Variants in PPFIA2 observed in about 807,000 individuals in gnomAD.
The protein encoded by PPFIA2 is liprin-alpha-2.
Under a neutral mutation model 175.5 loss-of-function variants are expected in PPFIA2, and 46 were observed. The ratio of observed to expected loss-of-function variants is 0.26; its 90% CI spans 0.21 to 0.34. The LOEUF (loss-of-function observed/expected upper bound fraction) is 0.34. PPFIA2 is among the 10% of genes least tolerant of loss of function. The probability of loss-of-function intolerance (pLI) is 1.00; values close to 1 mark genes in which losing one functional copy is unlikely to be tolerated. For synonymous variants in PPFIA2, 568 were observed against 511.4 expected (o/e 1.11, Z -1.49); for missense variants, 1,179 against 1,506.1 (o/e 0.78, Z 3.60).
At chr12:81,510,850 T>TG (rs1305495896) in intron 4 of PPFIA2, among the ~76,000 whole-genome samples, 22 of 152,120 alleles carry the variant, frequency 1.4e-4, no homozygotes, top group African/African-American at 5.1e-4. Flanking sequence ...AATAAGGCCA[T>TG]GTCTGAAATC....
At chr12:81,361,220 A>C (rs1257547526) in intron 15 of PPFIA2, among the ~76,000 whole-genome samples, 1 of 151,700 alleles carries the variant, frequency 6.6e-6, no homozygotes, top group Non-Finnish European at 1.5e-5. Flanking sequence ...AAGGTCAAAA[A>C]AACAAGGAAA....
chr12:81,347,929 T>C (rs1294860595), intron 17 of PPFIA2, among the ~76,000 whole-genome samples, 159 bp from the exon 18 acceptor site: 1 of 152,092 alleles, frequency 6.6e-6, no homozygotes, highest in African/African-American at 2.4e-5. Flanking sequence ...TTTCTCTAAA[T>C]AGTGTAACTT....
chr12:81,609,334 T>C (rs1266412238), intron 4 of PPFIA2, among the ~76,000 whole-genome samples: 2 of 152,124 alleles, frequency 1.3e-5, no homozygotes, highest in Non-Finnish European at 2.9e-5. Context: ...GTTTCTTTGT[T>C]GTTTTGCTGC....
At chr12:81,323,540 A>C (rs569425075) in intron 22 of PPFIA2, among the ~76,000 whole-genome samples, 1 of 152,178 alleles carries the variant, frequency 6.6e-6, no homozygotes, top group African/African-American at 2.4e-5. Context: ...TAACTCATTA[A>C]AGTGCACTGA....
chr12:81,414,339 T>C (rs2044551334), intron 7 of PPFIA2, among the ~76,000 whole-genome samples: 1 of 151,708 alleles, frequency 6.6e-6, no homozygotes, highest in East Asian at 1.9e-4. Context: ...TTCAAAAACA[T>C]TTAAAAGGTG....
At chr12:81,388,544 A>G (rs1438971296) in intron 8 of PPFIA2, among the ~76,000 whole-genome samples, 2 of 151,988 alleles carry the variant, frequency 1.3e-5, no homozygotes, top group African/African-American at 4.8e-5. Flanking sequence ...GAGCACTTCT[A>G]AGGTTTATGG....
chr12:81,640,774 A>G (rs1595893084), intron 4 of PPFIA2, among the ~76,000 whole-genome samples: 1 of 152,186 alleles, frequency 6.6e-6, no homozygotes, highest in East Asian at 1.9e-4. Context: ...TGCCATTTTG[A>G]GCCCCTAGAA....
intron 4 of PPFIA2, among the ~76,000 whole-genome samples, chr12:81,582,625 A>G (rs2153429844): frequency 6.6e-6 from 1 of 151,952 alleles, no homozygotes; most frequent in South Asian, 2.1e-4. Flanking sequence ...CATGTTTCAT[A>G]CTGCTACTTA....
At chr12:81,640,692 TG>T (rs150557040) in intron 4 of PPFIA2, among the ~76,000 whole-genome samples, 8,726 of 152,196 alleles carry the variant, frequency 0.057, 356 homozygotes, top group East Asian at 0.24. Context: ...TTCTGAGATG[TG>T]CTTTTGTTAT....
intron 4 of PPFIA2, among the ~76,000 whole-genome samples, chr12:81,509,005 A>G (rs2061495660): frequency 6.6e-6 from 1 of 152,162 alleles, no homozygotes; most frequent in South Asian, 2.1e-4. Context: ...CATATACACC[A>G]TGGACTACTA....
Position 81,608,954 on chromosome 12 carries a change from T to C in PPFIA2, c.303+67837A>G, listed in dbSNP as rs192916911. Among the ~76,000 whole-genome samples, 373 of 152,160 alleles carry C rather than the reference T, an allele frequency of 2.5e-3. 2 individuals are homozygous for C. Among genetic ancestry groups the C allele is most frequent in the African/African-American group, 8.9e-3 (369 of 41,570 alleles). ...GGGCTATAGACTTCCCTCTTAACAT[T>C]GCTTCAGTTGTATCCTAGAGATTTG... On this transcript the variant is annotated intron_variant, in intron 4 of 32. Transcript: ENST00000549396.
At chr12:81,564,457 T>A (rs2070869891) in intron 4 of PPFIA2, among the ~76,000 whole-genome samples, 1 of 152,122 alleles carries the variant, frequency 6.6e-6, no homozygotes, top group South Asian at 2.1e-4. Context: ...AAATAGGTTG[T>A]CTGTACAGTG....
intron 3 of PPFIA2, among the ~76,000 whole-genome samples, chr12:81,720,753 T>C (rs73348347): frequency 3.0e-3 from 455 of 151,500 alleles, no homozygotes; most frequent in African/African-American, 0.011. Context: ...TCCCCATTTT[T>C]TTCTGGAATA....
At chr12:81,286,115 C>T (rs1162019954) in intron 24 of PPFIA2, among the ~76,000 whole-genome samples, 2 of 151,752 alleles carry the variant, frequency 1.3e-5, no homozygotes, top group African/African-American at 4.8e-5. Context: ...TAGCAGAAAG[C>T]TTATAGGACA....
chr12:81,314,390 G>T (rs1271615981), intron 22 of PPFIA2, among the ~76,000 whole-genome samples: 4 of 151,814 alleles, frequency 2.6e-5, no homozygotes, highest in African/African-American at 7.2e-5. Flanking sequence ...TAGTAAGAAA[G>T]ATTCTGTCAA....
At chr12:81,596,916 G>C (rs549144306) in intron 4 of PPFIA2, among the ~76,000 whole-genome samples, 1 of 151,968 alleles carries the variant, frequency 6.6e-6, no homozygotes, top group Non-Finnish European at 1.5e-5. Context: ...AAAGGGGAGA[G>C]AGAAAGAGTA....
chr12:81,575,707 A>G (rs2073397208), intron 4 of PPFIA2, among the ~76,000 whole-genome samples: 1 of 151,844 alleles, frequency 6.6e-6, no homozygotes, highest in African/African-American at 2.4e-5. Context: ...GAACATGATC[A>G]TATCTATTTG....
intron 4 of PPFIA2, among the ~76,000 whole-genome samples, chr12:81,584,438 G>C (rs181742720): frequency 2.0e-5 from 3 of 151,798 alleles, no homozygotes; most frequent in Non-Finnish European, 4.4e-5. Flanking sequence ...CTCAGAGCTG[G>C]ATCATCTTAA....
intron 5 of PPFIA2, among the ~76,000 whole-genome samples, chr12:81,446,555 A>T (rs2145321735): frequency 6.6e-6 from 1 of 152,338 alleles, no homozygotes; most frequent in African/African-American, 2.4e-5. Flanking sequence ...GATTATTTTC[A>T]GTTATTATAA....
Sources: allele counts gnomAD v4.1 joint callset (sites outside exome capture counted in the v4.1 genomes callset), GRCh38; gene constraint gnomAD v4.1.1; transcripts MANE v1.5; gene names NCBI Gene and HGNC (gene_info 2026-07-23, HGNC 2026-07-21).